The following TRIM44 variants were observed in gnomAD, a reference collection of about 807,000 sequenced individuals.
The protein encoded by TRIM44 is tripartite motif containing 44.
Under a neutral mutation model 37.4 loss-of-function variants are expected in TRIM44, and 13 were observed. The observed-to-expected ratio is 0.35, with a 90% CI of 0.23 to 0.55. The LOEUF is 0.55. Ranked by LOEUF, TRIM44 falls within the 20% of genes least tolerant of loss-of-function variation. The pLI, the probability that TRIM44 is intolerant of heterozygous loss-of-function variation, is 0.89. For synonymous variants in TRIM44, 175 were observed against 157.2 expected, an observed-to-expected ratio of 1.11 and a Z score of -0.85; for missense variants, 426 against 437.2, an observed-to-expected ratio of 0.97 and a Z score of 0.23.
intron 2 of TRIM44, among the ~76,000 whole-genome samples, chr11:35,722,688 C>G (rs1008305494): frequency 1.3e-5 from 2 of 152,198 alleles, no homozygotes; most frequent in Non-Finnish European, 2.9e-5. Context: ...ATTTGGCCAG[C>G]TTCTTTACTG....
chr11:35,795,070 A>C (rs1451493006), intron 4 of TRIM44, among the ~76,000 whole-genome samples: 2 of 152,176 alleles, frequency 1.3e-5, no homozygotes, highest in Non-Finnish European at 2.9e-5. Context: ...ATGTGAGGGT[A>C]AGAGCTTTGA....
At position 35,662,929 on chromosome 11, in the gene TRIM44, C is replaced by T; in HGVS notation, c.-183C>T. 1 of 1,068,846 alleles carries T rather than the reference C, an allele frequency of 9.4e-7. No homozygotes were observed. The highest frequency in any genetic ancestry group is 1.7e-5 in the African/African-American group (1 of 60,098). The allele number at this position is 1,068,846 out of a possible 1,614,324, so 66.2% of individuals were successfully genotyped here. On this transcript the variant is annotated 5_prime_UTR_variant, in exon 1 of 5. Transcript: ENST00000299413. Reference sequence around the variant, plus strand: ...AGCAGGCCGAGCCGGCGGAAAGGGTCTTTGCTGCTGCGCCCGGGCAGGGGC... The same window carrying T: ...AGCAGGCCGAGCCGGCGGAAAGGGTTTTTGCTGCTGCGCCCGGGCAGGGGC...
At chr11:35,701,973 TG>T (rs1851794061) in intron 2 of TRIM44, among the ~76,000 whole-genome samples, 2 of 152,128 alleles carry the variant, frequency 1.3e-5, no homozygotes, top group African/African-American at 4.8e-5. Flanking sequence ...ACTATAACCC[TG>T]GGGGCCAAGC....
At chr11:35,717,342 G>GA (rs2135511293) in intron 2 of TRIM44, among the ~76,000 whole-genome samples, 1 of 152,250 alleles carries the variant, frequency 6.6e-6, no homozygotes, top group East Asian at 1.9e-4. Flanking sequence ...GTGACTAGTA[G>GA]ATGCCTTTGT....
chr11:35,697,336 A>G (rs1405446529), intron 2 of TRIM44, among the ~76,000 whole-genome samples: 1 of 150,406 alleles, frequency 6.6e-6, no homozygotes, highest in Non-Finnish European at 1.5e-5. Context: ...TCCTTGTGAT[A>G]GTTTGCTGAG....
At chr11:35,721,880 TAGGAG>T (rs1852113472) in intron 2 of TRIM44, among the ~76,000 whole-genome samples, 3 of 152,176 alleles carry the variant, frequency 2.0e-5, no homozygotes, top group Non-Finnish European at 2.9e-5. Context: ...ACACAAGAAA[TAGGAG>T]ATCTTGCCAT....
At position 35,809,440 on chromosome 11, in the gene TRIM44, T is replaced by C. The variant is rs1042828855; in HGVS notation, c.*3055T>C. Reference sequence around the variant, plus strand: ...TCTTCTTCAAAATGACATTTCACAGTTATAGTTAGGGCTCAGAAATGGCAT... The same window carrying C: ...TCTTCTTCAAAATGACATTTCACAGCTATAGTTAGGGCTCAGAAATGGCAT... On this transcript the variant is annotated 3_prime_UTR_variant, in exon 5 of 5. Transcript: ENST00000299413. 1 of 152,160 alleles carries C rather than the reference T, an allele frequency of 6.6e-6. No homozygotes were observed. The highest frequency in any genetic ancestry group is 2.4e-5 in the African/African-American group (1 of 41,452). The allele number at this position is 152,160 out of a possible 1,614,324, so 9.4% of individuals were successfully genotyped here.
intron 4 of TRIM44, among the ~76,000 whole-genome samples, chr11:35,738,893 C>T (rs181535100): frequency 1.3e-5 from 2 of 152,282 alleles, no homozygotes; most frequent in Admixed American, 1.3e-4. Context: ...CACTTCTCTA[C>T]TGCCTACATA....
chr11:35,720,445 ATTCTTTCAGATTTTCTACATAGAC>A (rs1852088726), intron 2 of TRIM44, among the ~76,000 whole-genome samples: 4 of 148,172 alleles, frequency 2.7e-5, no homozygotes, highest in Admixed American at 2.7e-4. Context: ...TTTTTGGTGA[ATTCTTTCAGATTTTCTACATAGAC>A]AATCTTATCA....
intron 2 of TRIM44, among the ~76,000 whole-genome samples, chr11:35,710,192 A>G (rs1040856452): frequency 2.0e-5 from 3 of 152,124 alleles, no homozygotes; most frequent in African/African-American, 4.8e-5. Context: ...ATCCACAAGG[A>G]CTCAAATATA....
intron 4 of TRIM44, among the ~76,000 whole-genome samples, chr11:35,758,458 G>C (rs1377857464): frequency 6.6e-6 from 1 of 152,120 alleles, no homozygotes; most frequent in Admixed American, 6.5e-5. Flanking sequence ...TATCCAGTTT[G>C]CCAGTCTGTG....
intron 2 of TRIM44, among the ~76,000 whole-genome samples, chr11:35,712,833 A>G (rs1311530985): frequency 6.6e-6 from 1 of 152,132 alleles, no homozygotes; most frequent in Non-Finnish European, 1.5e-5. Flanking sequence ...CGGGGTACCT[A>G]GATATAAAAC....
chr11:35,709,087 A>G (rs113042407), intron 2 of TRIM44, among the ~76,000 whole-genome samples: 14,606 of 151,980 alleles, frequency 0.096, 882 homozygotes, highest in Non-Finnish European at 0.14. Context: ...AAGTCAGCCA[A>G]TTGGTGCTGC....
chr11:35,727,824 G>A (rs1393875984), intron 3 of TRIM44, among the ~76,000 whole-genome samples: 1 of 152,142 alleles, frequency 6.6e-6, no homozygotes, highest in Non-Finnish European at 1.5e-5. Flanking sequence ...CATCCCATCT[G>A]TATCTGTGGG....
rs1215380398 is a variant in TRIM44, at chr11:35,688,251, C to A, written c.747+2915C>A. On this transcript the variant is annotated intron_variant, in intron 2 of 4. Transcript: ENST00000299413. Reference sequence around the variant, plus strand: ...GGAGGACTGAGCACTATCTCTGCCTCACTTCCTCTAGAATTCCCTAAAGCA... The same window carrying A: ...GGAGGACTGAGCACTATCTCTGCCTAACTTCCTCTAGAATTCCCTAAAGCA... Among the ~76,000 whole-genome samples the A allele has an allele frequency of 2.6e-5, 4 of 152,332 alleles. No homozygotes were observed. In the East Asian group the frequency reaches 7.7e-4, roughly 29 times the overall value.
chr11:35,729,674 A>C (rs1852228399), intron 3 of TRIM44, among the ~76,000 whole-genome samples: 1 of 152,186 alleles, frequency 6.6e-6, no homozygotes, highest in South Asian at 2.1e-4. Context: ...TGGGGCAGAC[A>C]AGAATAGCAC....
intron 2 of TRIM44, among the ~76,000 whole-genome samples, chr11:35,696,525 C>G (rs1851700620): frequency 6.6e-6 from 1 of 151,926 alleles, no homozygotes; most frequent in African/African-American, 2.4e-5. Flanking sequence ...TCTTGTCTTT[C>G]CCCCAGCCCC....
chr11:35,748,648 G>T (rs1183291299), intron 4 of TRIM44, among the ~76,000 whole-genome samples: 1 of 152,154 alleles, frequency 6.6e-6, no homozygotes, highest in Non-Finnish European at 1.5e-5. Context: ...GACTTAAGCA[G>T]ATATAAACAA....
chr11:35,701,633 A>T (rs917481844), intron 2 of TRIM44, among the ~76,000 whole-genome samples: 1 of 152,130 alleles, frequency 6.6e-6, no homozygotes, highest in Non-Finnish European at 1.5e-5. Context: ...GACATAACTG[A>T]CCAGTTTTCT....
Sources: gnomAD v4.1 joint callset for allele counts (sites outside exome capture counted in the v4.1 genomes callset) on GRCh38, gnomAD v4.1.1 for gene constraint, MANE v1.5 for transcripts, NCBI Gene and HGNC (gene_info 2026-07-23, HGNC 2026-07-21) for gene names.